The following PPME1 variants were observed in gnomAD, a reference collection of about 807,000 sequenced individuals.
PPME1 encodes the protein testicular secretory protein Li 39.
PPME1 carries 17 observed loss-of-function variants against 56.9 expected under a neutral mutation model. The ratio of observed to expected loss-of-function variants is 0.30; its 90% CI spans 0.20 to 0.45. The LOEUF (loss-of-function observed/expected upper bound fraction) is 0.45, where lower values mean the gene tolerates loss of function less well. Ranked by LOEUF, PPME1 falls within the 20% of genes least tolerant of loss-of-function variation. The pLI, the probability that PPME1 is intolerant of heterozygous loss-of-function variation, is 1.00. For missense variants in PPME1, 357 were observed against 483.2 expected (o/e 0.74, Z 2.45); for synonymous variants, 122 against 156.2 (o/e 0.78, Z 1.63).
chr11:74,228,726 A>G (rs1467220437), intron 5 of PPME1, among the ~76,000 whole-genome samples: 2 of 152,232 alleles, frequency 1.3e-5, no homozygotes, highest in African/African-American at 2.4e-5. Flanking sequence ...TTAATTGATT[A>G]ATACAGAACC....
chr11:74,196,404 A>G (rs1177584560), intron 1 of PPME1, among the ~76,000 whole-genome samples: 2 of 152,128 alleles, frequency 1.3e-5, no homozygotes, highest in African/African-American at 4.8e-5. Flanking sequence ...TAGGTTTATG[A>G]TACACTTTGA....
At chr11:74,214,905 C>G (rs1177035145) in intron 3 of PPME1, among the ~76,000 whole-genome samples, 1 of 152,062 alleles carries the variant, frequency 6.6e-6, no homozygotes, top group Admixed American at 6.6e-5. Context: ...TTGATAAGTA[C>G]ACAGAAAAAC....
chr11:74,233,088 G>A (rs1859109818), intron 7 of PPME1, among the ~76,000 whole-genome samples: 1 of 151,834 alleles, frequency 6.6e-6, no homozygotes. Context: ...CTAAGAACTG[G>A]GGGATGAATC....
intron 1 of PPME1, among the ~76,000 whole-genome samples, chr11:74,194,225 T>C (rs1306033668): frequency 1.3e-5 from 2 of 152,126 alleles, no homozygotes; most frequent in African/African-American, 4.8e-5. Flanking sequence ...CCTGAGATTG[T>C]GGTAAGAAGC....
intron 11 of PPME1, chr11:74,247,448 G>T: frequency 5.4e-6 from 1 of 183,990 alleles, no homozygotes; most frequent in East Asian, 1.3e-4. Flanking sequence ...TGTGAAAAGA[G>T]ATATTCTGAC....
intron 3 of PPME1, among the ~76,000 whole-genome samples, chr11:74,215,854 A>G (rs1858626184): frequency 6.6e-6 from 1 of 152,224 alleles, no homozygotes. Context: ...GGGAGTAGCT[A>G]TATGTATATC....
intron 3 of PPME1, among the ~76,000 whole-genome samples, chr11:74,212,110 G>A (rs1454018706): frequency 2.0e-5 from 3 of 152,200 alleles, no homozygotes; most frequent in Admixed American, 6.5e-5. Flanking sequence ...GGATAGAAAC[G>A]ACAGTCTTGA....
intron 1 of PPME1, among the ~76,000 whole-genome samples, chr11:74,180,770 G>A (rs1857511000): frequency 6.6e-6 from 1 of 152,132 alleles, no homozygotes; most frequent in African/African-American, 2.4e-5. Flanking sequence ...ATGTCAATTA[G>A]CAATTATTTT....
intron 3 of PPME1, among the ~76,000 whole-genome samples, chr11:74,217,067 C>CA (rs1858666197): frequency 6.6e-6 from 1 of 152,178 alleles, no homozygotes; most frequent in Admixed American, 6.5e-5. Flanking sequence ...CAGTCCTACT[C>CA]AAACTATTCT....
chr11:74,239,414 G>A (rs1350983242), intron 9 of PPME1, among the ~76,000 whole-genome samples, 158 bp downstream of exon 9: 1 of 152,110 alleles, frequency 6.6e-6, no homozygotes, highest in Non-Finnish European at 1.5e-5. Context: ...ACTATAAGAT[G>A]TAAAGCACTG....
chr11:74,252,374 G>A (rs903703324), intron 13 of PPME1: 1 of 451,328 alleles, frequency 2.2e-6, no homozygotes, highest in African/African-American at 2.0e-5. Context: ...AGGGATTATA[G>A]GCACAAGCCA....
chr11:74,188,885 T>C (rs1565377504), intron 1 of PPME1, among the ~76,000 whole-genome samples: 1 of 152,226 alleles, frequency 6.6e-6, no homozygotes, highest in African/African-American at 2.4e-5. Context: ...TTATGTTAAT[T>C]GTGGTAATTG....
chr11:74,212,413 A>C lies in PPME1; in HGVS notation c.288+7968A>C, dbSNP rs1003399340. Among the ~76,000 whole-genome samples, 5 of 152,158 alleles carry C rather than the reference A, an allele frequency of 3.3e-5. 1 individual carries two copies. The highest frequency in any genetic ancestry group is 1.5e-5 in the Non-Finnish European group (1 of 68,010). ...GTCCTGGGGTCCTAAATAAACTTGA[A>C]AAGCAGACTAGGCCACAAGGACTGC... On this transcript the variant is annotated intron_variant, in intron 3 of 13. Coordinates refer to ENST00000328257, the MANE Select transcript of PPME1 (RefSeq NM_016147.3).
intron 1 of PPME1, among the ~76,000 whole-genome samples, chr11:74,173,869 G>T (rs1312253718): frequency 2.0e-5 from 3 of 152,100 alleles, no homozygotes; most frequent in Non-Finnish European, 2.9e-5. Flanking sequence ...AGATGCTTTG[G>T]TCTTCTTGGT....
intron 3 of PPME1, among the ~76,000 whole-genome samples, chr11:74,206,930 G>A (rs1480890570): frequency 6.6e-6 from 1 of 152,182 alleles, no homozygotes; most frequent in East Asian, 1.9e-4. Flanking sequence ...ACTATGCTAA[G>A]TGCTTAAGTG....
At chr11:74,238,786 T>C (rs562074560) in intron 8 of PPME1, 114 of 162,162 alleles carry the variant, frequency 7.0e-4, no homozygotes, top group African/African-American at 2.5e-3. Flanking sequence ...TAACCACTTA[T>C]GAGTTAGGTG....
At chr11:74,204,733 G>A (rs1858282061) in intron 3 of PPME1, 1 of 237,868 alleles carries the variant, frequency 4.2e-6, no homozygotes, top group African/African-American at 2.3e-5. Context: ...TGGAAAATGT[G>A]AAAGAAAAAT....
At chr11:74,244,055 T>A (rs1291410183) in intron 9 of PPME1, among the ~76,000 whole-genome samples, 1 of 152,222 alleles carries the variant, frequency 6.6e-6, no homozygotes, top group Admixed American at 6.5e-5. Flanking sequence ...CTGGCTTATG[T>A]CACTTGGCAT....
chr11:74,227,006 T>A (rs1396201040), intron 5 of PPME1, among the ~76,000 whole-genome samples: 1 of 152,152 alleles, frequency 6.6e-6, no homozygotes, highest in Non-Finnish European at 1.5e-5. Context: ...TTGCTGAAAA[T>A]CTGCCCTTTT....
Sources: gnomAD v4.1 joint callset for allele counts (sites outside exome capture counted in the v4.1 genomes callset) on GRCh38, gnomAD v4.1.1 for gene constraint, MANE v1.5 for transcripts, NCBI Gene and HGNC (gene_info 2026-07-23, HGNC 2026-07-21) for gene names.